Variants in DMRTB1 observed in about 807,000 individuals in gnomAD.
The protein encoded by DMRTB1 is DMRT like family B with proline rich C-terminal 1.
DMRTB1 carries 9 observed loss-of-function variants against 25.2 expected under a neutral mutation model. The ratio of observed to expected loss-of-function variants is 0.36; its 90% CI spans 0.22 to 0.62. The LOEUF (loss-of-function observed/expected upper bound fraction) is 0.62. DMRTB1 is among the 20% of genes least tolerant of loss of function. The pLI is 0.71. For missense variants in DMRTB1, 551 were observed against 499.3 expected, an observed-to-expected ratio of 1.10 and a Z score of -0.99; for synonymous variants, 269 against 238.1, an observed-to-expected ratio of 1.13 and a Z score of -1.20.
chr1:53,465,599 C>G (rs1471343727), intron 3 of DMRTB1, among the ~76,000 whole-genome samples: 2 of 152,204 alleles, frequency 1.3e-5, no homozygotes, highest in Non-Finnish European at 2.9e-5. Context: ...TTTAAAATGA[C>G]TGTCAGACCA....
chr1:53,466,792 T>G lies in DMRTB1; in HGVS notation c.*130T>G. ...GCATAGATGGCAACTGATTCCCAGTTTAAGATAGGAGGAAGGAGAGCAATT... is the reference window on the plus strand; with the variant it reads ...GCATAGATGGCAACTGATTCCCAGTGTAAGATAGGAGGAAGGAGAGCAATT... On this transcript the variant is annotated 3_prime_UTR_variant, in exon 4 of 4. Transcript: ENST00000371445. 1 of 916,546 alleles carries G rather than the reference T, an allele frequency of 1.1e-6. No homozygotes were observed. The highest frequency in any genetic ancestry group is 2.4e-5 in the East Asian group (1 of 41,544). The allele number at this position is 916,546 out of a possible 1,614,324, so 56.8% of individuals were successfully genotyped here.
intron 2 of DMRTB1, among the ~76,000 whole-genome samples, chr1:53,464,177 A>C (rs1189000987): frequency 1.3e-5 from 2 of 152,220 alleles, no homozygotes; most frequent in African/African-American, 4.8e-5. Flanking sequence ...TCCCCAGTGC[A>C]GAGCAGCGCT....
chr1:53,463,923 T>C (rs1108988), intron 2 of DMRTB1, among the ~76,000 whole-genome samples: 2,431 of 152,262 alleles, frequency 0.016, 55 homozygotes, highest in African/African-American at 0.055. Context: ...CTCCAGATCC[T>C]CTGATGGGGC....
intron 1 of DMRTB1, chr1:53,460,274 C>G (rs1310972854): frequency 2.1e-6 from 1 of 485,466 alleles, no homozygotes; most frequent in African/African-American, 2.1e-5. Context: ...TAGTTTGTGC[C>G]ATTCCGGCAT....
intron 2 of DMRTB1, among the ~76,000 whole-genome samples, chr1:53,464,074 C>T (rs1644037334): frequency 6.6e-6 from 1 of 152,200 alleles, no homozygotes; most frequent in African/African-American, 2.4e-5. Context: ...ACATTGCCAA[C>T]CTCTTCTCCC....
chr1:53,459,926 C>G lies in DMRTB1; in HGVS notation c.473C>G (p.Ala158Gly). The change falls in exon 1 of 4, where the codon GCG (alanine) becomes GGG (glycine). Residue 158 changes from alanine to glycine, a missense_variant. Physicochemically the swap from Ala to Gly is moderately conservative, Grantham distance 60. Transcript: ENST00000371445. ...ERAAVAMPSL[A>G]GPPFGAEAAG... ...GCCGCCGTGGCGATGCCCAGCCTTGCGGGACCCCCTTTTGGGGCGGAGGCC... is the reference window on the plus strand; with the variant it reads ...GCCGCCGTGGCGATGCCCAGCCTTGGGGGACCCCCTTTTGGGGCGGAGGCC... The G allele has an allele frequency of 6.4e-7, 1 of 1,559,094 alleles. No homozygotes were observed. Among genetic ancestry groups the G allele is most frequent in the Non-Finnish European group, 8.6e-7 (1 of 1,162,036 alleles).
intron 1 of DMRTB1, 52 bp from the exon 2 acceptor site, chr1:53,461,421 G>T: frequency 1.3e-6 from 2 of 1,506,924 alleles, no homozygotes; most frequent in Non-Finnish European, 1.8e-6. Context: ...CCGCCCTGCG[G>T]ATGCTTTTCC....
In DMRTB1 at chr1:53,459,671, G is replaced by A. The variant is rs749935479; in HGVS notation, c.218G>A (p.Gly73Glu). ...CAGGAGGCGGCCCTGTGTGCGCAGG[G>A]GCCCAAGCAGGCCTCCGGGGCTGCG... ...EEQEAALCAQ[G>E]PKQASGAAAA... Residue 73 changes from glycine to glutamate, a missense_variant, in exon 1 of 4, where the codon GGG (glycine) becomes GAG (glutamate). Physicochemically the swap from Gly to Glu is moderately conservative, Grantham distance 98 (BLOSUM62 -2). Transcript: ENST00000371445. 7 of 1,541,578 alleles carry A rather than the reference G, an allele frequency of 4.5e-6. No individual in the cohort carries two copies. Among genetic ancestry groups the A allele is most frequent in the South Asian group, 2.4e-5 (2 of 83,504 alleles).
chr1:53,460,820 G>T (rs1398660240), intron 1 of DMRTB1, among the ~76,000 whole-genome samples: 1 of 152,206 alleles, frequency 6.6e-6, no homozygotes, highest in Admixed American at 6.5e-5. Flanking sequence ...CCCGGGTCAC[G>T]CTGGACAAGC....
Position 53,461,540 on chromosome 1 carries a change from C to G in DMRTB1, c.645C>G (p.His215Gln), listed in dbSNP as rs779531981. The G allele has an allele frequency of 1.2e-5, 19 of 1,612,262 alleles. No individual in the cohort carries two copies. Among genetic ancestry groups the G allele is most frequent in the Admixed American group, 8.4e-5 (5 of 59,820 alleles). Residue 215 changes from histidine to glutamine, a missense_variant, in exon 2 of 4, where the codon CAC (histidine) becomes CAG (glutamine). Physicochemically the swap from His to Gln is conservative, Grantham distance 24 (BLOSUM62 0). Transcript: ENST00000371445. ...AGTACCCTGGTGGCTCCAGCATGCA[C>G]CCCTACTGCCCGTTCCCGCTGGGCT... ...GPEYPGGSSMHPYCPFPLGYL... is the reference protein window; with the variant it reads ...GPEYPGGSSMQPYCPFPLGYL...
At chr1:53,464,457 C>G (rs1265741432) in intron 2 of DMRTB1, among the ~76,000 whole-genome samples, 180 bp from the exon 3 acceptor site, 1 of 152,178 alleles carries the variant, frequency 6.6e-6, no homozygotes. Flanking sequence ...TCCTTCTTGC[C>G]TTCAATAATT....
Position 53,461,463 on chromosome 1 carries a change from C to G in DMRTB1, c.578-10C>G. On this transcript the variant is annotated splice_polypyrimidine_tract_variant and intron_variant, in intron 1 of 3. Transcript: ENST00000371445. ...TGTCTAACACTTCCCTCCTTGCTTG[C>G]GTTCTTTAGTGCGCCCTCTGAACAT... 1 of 1,565,146 alleles carries G rather than the reference C, an allele frequency of 6.4e-7. No individual in the cohort carries two copies. Among genetic ancestry groups the G allele is most frequent in the Non-Finnish European group, 8.7e-7 (1 of 1,152,490 alleles).
chr1:53,462,049 A>G (rs1644025959), intron 2 of DMRTB1, among the ~76,000 whole-genome samples: 1 of 152,234 alleles, frequency 6.6e-6, no homozygotes, highest in Admixed American at 6.5e-5. Context: ...CCACAGGTAT[A>G]GCACACTTGA....
intron 2 of DMRTB1, among the ~76,000 whole-genome samples, chr1:53,463,369 T>C (rs1644031784): frequency 6.6e-6 from 1 of 152,144 alleles, no homozygotes; most frequent in Non-Finnish European, 1.5e-5. Context: ...TGGGCAGACC[T>C]AGGGTCCAAT....
Position 53,463,358 on chromosome 1 carries a change from G to A in DMRTB1, c.751-1279G>A, listed in dbSNP as rs568500865. On this transcript the variant is annotated intron_variant, in intron 2 of 3. Transcript: ENST00000371445. ...TCACAGGACAGCACTGGCCCTGGAG[G>A]TGGGCAGACCTAGGGTCCAATTCTG... Among the ~76,000 whole-genome samples the A allele has an allele frequency of 3.9e-5, 6 of 152,266 alleles. No individual in the cohort carries two copies. In the South Asian group the frequency reaches 1.0e-3, roughly 26 times the overall value.
chr1:53,464,830 C>T lies in DMRTB1; in HGVS notation c.944C>T (p.Thr315Ile). The T allele has an allele frequency of 6.2e-7, 1 of 1,613,874 alleles. No individual in the cohort carries two copies. Among genetic ancestry groups the T allele is most frequent in the Non-Finnish European group, 8.5e-7 (1 of 1,179,974 alleles). Residue 315 changes from threonine (T) to isoleucine (I), a missense_variant, in exon 3 of 4, where the codon ACT becomes ATT. Thr to Ile is a moderately conservative substitution (Grantham distance 89). Transcript: ENST00000371445. ...TTCTCACTGACCGTCCTGTTTGATA[C>T]TGACAAGGAGAACACTGGTGAGTGA... ...SSFSLTVLFD[T>I]DKENTDDQDA...
Position 53,466,580 on chromosome 1 carries a change from C to T in DMRTB1, c.962-15C>T. 1 of 1,613,442 alleles carries T rather than the reference C, an allele frequency of 6.2e-7. No individual in the cohort carries two copies. Among genetic ancestry groups the T allele is most frequent in the Non-Finnish European group, 8.5e-7 (1 of 1,179,778 alleles). ...CGCTCTTTCTAAATCCAGCTACCTT[C>T]TTTGTCCTTCACAGATGACCAGGAT... is the stretch of plus-strand genomic sequence containing the variant. On this transcript the variant is annotated splice_polypyrimidine_tract_variant and intron_variant, in intron 3 of 3. Transcript: ENST00000371445.
intron 1 of DMRTB1, chr1:53,460,707 T>A (rs1325497005): frequency 6.6e-6 from 1 of 152,294 alleles, no homozygotes; most frequent in East Asian, 1.9e-4. Context: ...TCAAGTCACA[T>A]GTACATTTGA....
rs147307088 is a variant in DMRTB1, at chr1:53,464,677, T to TGCC, written c.807_809dup (p.Pro270dup). The TGCC allele has an allele frequency of 1.1e-3, 1,746 of 1,612,038 alleles. 16 individuals carry two copies. Among genetic ancestry groups the TGCC allele is most frequent in the South Asian group, 9.1e-3 (829 of 90,994 alleles). On this transcript the variant is annotated inframe_insertion, in exon 3 of 4. Transcript: ENST00000371445. ...GGAGACTTCCAGCCAAGCTACTACC[T>TGCC]GCCGCCGCCGCCGCCGCCACTGCCG...
Sources: gnomAD v4.1 joint callset for allele counts (sites outside exome capture counted in the v4.1 genomes callset) on GRCh38, gnomAD v4.1.1 for gene constraint, MANE v1.5 for transcripts, NCBI Gene and HGNC (gene_info 2026-07-23, HGNC 2026-07-21) for gene names.